The following KIAA0319 variants were observed in gnomAD, a reference collection of about 807,000 sequenced individuals.
KIAA0319 encodes KIAA0319, also known as dyslexia-associated protein KIAA0319.
Under a neutral mutation model 108.4 loss-of-function variants are expected in KIAA0319, and 83 were observed. The ratio of observed to expected loss-of-function variants is 0.77; its 90% confidence interval spans 0.64 to 0.92. The LOEUF is 0.92. Among genes scored for constraint, KIAA0319 ranks in the 40% least tolerant of loss-of-function variants. The probability of loss-of-function intolerance (pLI) is 0.00; values close to 1 mark genes in which losing one functional copy is unlikely to be tolerated. For synonymous variants in KIAA0319, 484 were observed against 510.4 expected (o/e 0.95, Z 0.70); for missense variants, 1,195 against 1,322.4 (o/e 0.90, Z 1.49).
chr6:24,576,374 G>T lies in KIAA0319; in HGVS notation c.1728C>A (p.Val576=). ...GGCAGGATGGAGAACTTGCCTGCAT[G>T]ACCACATGTTTGCCCTCACTCCCAG... ...LGPGSEGKHV[V]MQGVQTPYLH... Residue 576 remains valine (V), a synonymous_variant, in exon 10 of 21, where the codon GTC becomes GTA. Coordinates refer to ENST00000378214, the MANE Select transcript of KIAA0319 (RefSeq NM_014809.4). 1 of 1,613,682 alleles carries T rather than the reference G, an allele frequency of 6.2e-7. No individual in the cohort carries two copies. The highest frequency in any genetic ancestry group is 1.1e-5 in the South Asian group (1 of 91,030).
chr6:24,557,683 T>C (rs1762496240), intron 17 of KIAA0319, among the ~76,000 whole-genome samples: 2 of 152,084 alleles, frequency 1.3e-5, no homozygotes, highest in Admixed American at 1.3e-4. Context: ...ATGGAGCATA[T>C]CCAGGGTAGA....
At chr6:24,620,552 C>T (rs764116562) in intron 1 of KIAA0319, among the ~76,000 whole-genome samples, 5 of 152,182 alleles carry the variant, frequency 3.3e-5, no homozygotes, top group Admixed American at 6.5e-5. Context: ...TTGCCTGCCC[C>T]GGCCTCCCAA....
chr6:24,552,183 T>C (rs940191118), intron 19 of KIAA0319, among the ~76,000 whole-genome samples: 1 of 152,196 alleles, frequency 6.6e-6, no homozygotes, highest in Non-Finnish European at 1.5e-5. Context: ...ATCAGAAGCA[T>C]AGGTCTCAAT....
At chr6:24,616,718 T>A (rs1773206702) in intron 1 of KIAA0319, among the ~76,000 whole-genome samples, 1 of 152,182 alleles carries the variant, frequency 6.6e-6, no homozygotes, top group Non-Finnish European at 1.5e-5. Flanking sequence ...TAAAACAACT[T>A]TTATTTTCTA....
chr6:24,623,171 T>C (rs2127573756), intron 1 of KIAA0319, among the ~76,000 whole-genome samples: 1 of 152,198 alleles, frequency 6.6e-6, no homozygotes, highest in East Asian at 1.9e-4. Flanking sequence ...TGAAGGCAAG[T>C]TACAGATTTG....
At chr6:24,561,992 C>T (rs1056684642) in intron 16 of KIAA0319, among the ~76,000 whole-genome samples, 16 of 152,286 alleles carry the variant, frequency 1.1e-4, no homozygotes, top group Non-Finnish European at 1.6e-4. Context: ...CGTCAGCCAC[C>T]GCACCTGGCC....
At chr6:24,548,150 C>A (rs1760904424) in intron 20 of KIAA0319, among the ~76,000 whole-genome samples, 1 of 152,152 alleles carries the variant, frequency 6.6e-6, no homozygotes, top group Non-Finnish European at 1.5e-5. Flanking sequence ...ATACTTATGG[C>A]AGGGGTTGCT....
At chr6:24,568,179 A>G (rs1427114532) in intron 13 of KIAA0319, among the ~76,000 whole-genome samples, 1 of 152,014 alleles carries the variant, frequency 6.6e-6, no homozygotes, top group Non-Finnish European at 1.5e-5. Flanking sequence ...CAATGCTTGA[A>G]CCTTTCCATC....
chr6:24,611,351 TAGAC>T (rs1407816673), intron 1 of KIAA0319, among the ~76,000 whole-genome samples: 2 of 151,974 alleles, frequency 1.3e-5, no homozygotes, highest in Non-Finnish European at 2.9e-5. Context: ...ATACAAAAAT[TAGAC>T]AGGCATAGTG....
chr6:24,553,578 G>A (rs1028997497), intron 19 of KIAA0319, among the ~76,000 whole-genome samples: 7 of 151,990 alleles, frequency 4.6e-5, no homozygotes, highest in Non-Finnish European at 8.8e-5. Context: ...TACTTTGTCT[G>A]ATTATAGGTC....
At chr6:24,603,322 G>C (rs958978061) in intron 1 of KIAA0319, among the ~76,000 whole-genome samples, 1 of 152,172 alleles carries the variant, frequency 6.6e-6, no homozygotes, top group African/African-American at 2.4e-5. Context: ...ACCAGTACAA[G>C]GCAGTCTGGA....
intron 7 of KIAA0319, among the ~76,000 whole-genome samples, 161 bp from the exon 8 acceptor site, chr6:24,580,111 GTCTC>G (rs1436235231): frequency 6.6e-6 from 1 of 152,190 alleles, no homozygotes; most frequent in Non-Finnish European, 1.5e-5. Context: ...AAAGTCTGGA[GTCTC>G]TCTATGAATT....
At chr6:24,632,279 C>T (rs985023633) in intron 1 of KIAA0319, among the ~76,000 whole-genome samples, 7 of 152,112 alleles carry the variant, frequency 4.6e-5, no homozygotes, top group African/African-American at 1.7e-4. Context: ...TTACATATAT[C>T]GCATTAGTTG....
chr6:24,587,322 G>C (rs926091665), intron 4 of KIAA0319, among the ~76,000 whole-genome samples: 2 of 151,752 alleles, frequency 1.3e-5, no homozygotes, highest in Non-Finnish European at 2.9e-5. Context: ...TGTCGCCCAG[G>C]CTGGACAGAA....
intron 16 of KIAA0319, 112 bp from the exon 17 acceptor site, chr6:24,559,267 T>C: frequency 8.2e-7 from 1 of 1,214,412 alleles, no homozygotes; most frequent in Non-Finnish European, 1.1e-6. Flanking sequence ...GCTACAGCTC[T>C]GTGGCTTGCC....
intron 1 of KIAA0319, among the ~76,000 whole-genome samples, chr6:24,609,284 A>AG (rs1348633486): frequency 2.0e-5 from 3 of 150,052 alleles, no homozygotes; most frequent in Non-Finnish European, 3.0e-5. Context: ...AAAAAAAAAA[A>AG]AAAAAGAAAA....
chr6:24,558,413 A>G (rs1402684805), intron 17 of KIAA0319, among the ~76,000 whole-genome samples: 1 of 151,122 alleles, frequency 6.6e-6, no homozygotes, highest in Admixed American at 6.6e-5. Context: ...AGATATCTGA[A>G]ACAAATTAAA....
At chr6:24,586,220 C>T (rs1368134065) in intron 4 of KIAA0319, among the ~76,000 whole-genome samples, 2 of 152,204 alleles carry the variant, frequency 1.3e-5, no homozygotes, top group Non-Finnish European at 2.9e-5. Context: ...AGACCTGTCT[C>T]AGATACTTTT....
chr6:24,633,086 G>A (rs527612868), intron 1 of KIAA0319, among the ~76,000 whole-genome samples: 12 of 152,248 alleles, frequency 7.9e-5, no homozygotes, highest in African/African-American at 2.9e-4. Flanking sequence ...TTATTGGGGA[G>A]CTGCTGGAAA....
Sources: allele counts gnomAD v4.1 joint callset (sites outside exome capture counted in the v4.1 genomes callset), GRCh38; gene constraint gnomAD v4.1.1; transcripts MANE v1.5; gene names NCBI Gene and HGNC (gene_info 2026-07-23, HGNC 2026-07-21).